ELF1: variants seen among roughly 807,000 people sequenced by gnomAD.
The protein encoded by ELF1 is ETS-related transcription factor Elf-1.
Under a neutral mutation model 59.9 loss-of-function variants are expected in ELF1, and 24 were observed. The ratio of observed to expected loss-of-function variants is 0.40; its 90% confidence interval spans 0.29 to 0.56. ELF1 has a LOEUF of 0.56. Among genes scored for constraint, ELF1 ranks in the 20% least tolerant of loss-of-function variants. The pLI is 0.44. For missense variants in ELF1, 627 were observed against 742.2 expected, an observed-to-expected ratio of 0.84 and a Z score of 1.80; for synonymous variants, 248 against 266.2, an observed-to-expected ratio of 0.93 and a Z score of 0.67.
intron 1 of ELF1, among the ~76,000 whole-genome samples, chr13:41,010,464 C>G (rs1275041261): frequency 7.0e-6 from 1 of 143,876 alleles, no homozygotes; most frequent in African/African-American, 2.6e-5. Flanking sequence ...CCCCACCCCC[C>G]CAAAAAAATA....
chr13:40,981,874 T>A, intron 2 of ELF1, 109 bp downstream of exon 2: 1 of 1,237,588 alleles, frequency 8.1e-7, no homozygotes, highest in Non-Finnish European at 1.1e-6. Context: ...TATAAATTTT[T>A]ACTTTCAATA....
rs773490492 is a variant in ELF1, at chr13:40,981,933, G to T, written c.72+50C>A. ...AGGAAATAATTTTCTGATATGAATA[G>T]AAAAATCATAATAAAGTCATTAAAA... On this transcript the variant is annotated intron_variant, in intron 2 of 8. Transcript: ENST00000239882. The T allele has an allele frequency of 5.1e-6, 8 of 1,573,146 alleles. No individual in the cohort carries two copies. The African/African-American group carries it at 9.6e-5, about 19-fold the overall frequency.
At chr13:41,023,359 A>G (rs1875761369), upstream of ELF1, among the ~76,000 whole-genome samples, 1 of 152,344 alleles carries the variant, frequency 6.6e-6, no homozygotes, top group East Asian at 1.9e-4. Context: ...AATCCGCCCC[A>G]TAGGTCGGGA....
intron 1 of ELF1, among the ~76,000 whole-genome samples, chr13:41,006,856 T>C (rs1192057634): frequency 6.6e-6 from 1 of 152,216 alleles, no homozygotes; most frequent in African/African-American, 2.4e-5. Flanking sequence ...TTCCTTATAA[T>C]TTAGTACATA....
intron 2 of ELF1, among the ~76,000 whole-genome samples, chr13:40,972,171 A>C (rs1872585035): frequency 6.6e-6 from 1 of 152,228 alleles, no homozygotes; most frequent in Admixed American, 6.5e-5. Flanking sequence ...ACAGCAAAGA[A>C]TAAAATGAGG....
rs147752640 is a variant in ELF1, at chr13:40,961,017, A to G, written c.73-2001T>C. Among the ~76,000 whole-genome samples, 31 of 152,336 alleles carry G rather than the reference A, an allele frequency of 2.0e-4. 1 individual carries two copies. Among genetic ancestry groups the G allele is most frequent in the South Asian group, 1.2e-3 (6 of 4,828 alleles). ...AAAAAGTTCCTGCTCATAGATAATAATGCCAGGCACCTTGCTATTTTCCTT... is the reference window on the plus strand; with the variant it reads ...AAAAAGTTCCTGCTCATAGATAATAGTGCCAGGCACCTTGCTATTTTCCTT... On this transcript the variant is annotated intron_variant, in intron 2 of 8. Transcript: ENST00000239882.
intron 1 of ELF1, among the ~76,000 whole-genome samples, chr13:40,991,886 T>C (rs1420012653): frequency 6.6e-6 from 1 of 152,186 alleles, no homozygotes; most frequent in Non-Finnish European, 1.5e-5. Flanking sequence ...GAGGTGATGG[T>C]GAACTGCAAG....
intron 1 of ELF1, among the ~76,000 whole-genome samples, chr13:41,013,308 G>A (rs746710417): frequency 1.1e-4 from 16 of 152,164 alleles, no homozygotes; most frequent in Middle Eastern, 3.4e-3. Flanking sequence ...TTTATGTCCC[G>A]GGGAACCATG....
At chr13:41,048,214 CT>C (rs1471931085) in intron 1 of ELF1, among the ~76,000 whole-genome samples, 2 of 152,230 alleles carry the variant, frequency 1.3e-5, no homozygotes. Context: ...TCCCTGACCC[CT>C]TGCGCTTCCA....
intron 1 of ELF1, among the ~76,000 whole-genome samples, chr13:40,999,906 C>G (rs1216841353): frequency 6.6e-6 from 1 of 152,176 alleles, no homozygotes; most frequent in East Asian, 1.9e-4. Context: ...AAACGTATGA[C>G]TAATTACCAC....
At chr13:40,969,002 G>A (rs529964140) in intron 2 of ELF1, among the ~76,000 whole-genome samples, 88 of 152,272 alleles carry the variant, frequency 5.8e-4, no homozygotes, top group Middle Eastern at 3.4e-3. Context: ...TTACAGACAT[G>A]AGCCATTGCG....
intron 1 of ELF1, among the ~76,000 whole-genome samples, chr13:41,009,092 C>T (rs1024795019): frequency 2.0e-5 from 3 of 151,738 alleles, no homozygotes; most frequent in African/African-American, 7.3e-5. Context: ...CTGGCTCAAA[C>T]TTGTCCTTTA....
At chr13:41,050,831 G>C (rs1433202238) in intron 1 of ELF1, among the ~76,000 whole-genome samples, 1 of 152,172 alleles carries the variant, frequency 6.6e-6, no homozygotes, top group African/African-American at 2.4e-5. Flanking sequence ...CTACAGGCAT[G>C]AGCCACCACA....
intron 1 of ELF1, among the ~76,000 whole-genome samples, chr13:41,039,208 T>A (rs982706735): frequency 2.0e-5 from 3 of 151,772 alleles, no homozygotes; most frequent in South Asian, 2.1e-4. Context: ...GAGACCAGCC[T>A]GGGTAACACG....
At position 41,011,488 on chromosome 13, in the gene ELF1, G is replaced by A. The variant is rs79858693; in HGVS notation, c.-229+7740C>T. ...AGACAAGGTCTTACTTTGTTGCCCA[G>A]GTTGGAGTATAGTGGCACGAACATG... is the stretch of plus-strand genomic sequence containing the variant. On this transcript the variant is annotated intron_variant, in intron 1 of 8. Transcript: ENST00000239882. Among the ~76,000 whole-genome samples, 483 of 152,206 alleles carry A rather than the reference G, an allele frequency of 3.2e-3. 4 individuals are homozygous for A. Among genetic ancestry groups the A allele is most frequent in the African/African-American group, 0.011 (466 of 41,512 alleles).
At chr13:41,045,421 G>A (rs1049774014) in intron 1 of ELF1, among the ~76,000 whole-genome samples, 6 of 152,092 alleles carry the variant, frequency 3.9e-5, no homozygotes, top group African/African-American at 9.7e-5. Context: ...TCTCTTGTGG[G>A]CATTTAGTAC....
intron 3 of ELF1, among the ~76,000 whole-genome samples, chr13:40,955,003 G>A (rs1465392879): frequency 6.7e-6 from 1 of 149,692 alleles, no homozygotes; most frequent in African/African-American, 2.5e-5. Context: ...AGGAAGTGAG[G>A]AGCGTCTCTG....
At chr13:40,994,580 T>C (rs1030506140) in intron 1 of ELF1, among the ~76,000 whole-genome samples, 32 of 152,104 alleles carry the variant, frequency 2.1e-4, no homozygotes, top group African/African-American at 6.8e-4. Context: ...GAGGTGGAAA[T>C]TGCAGTAAGC....
At chr13:41,025,520 T>C (rs1875858581) in intron 1 of ELF1, among the ~76,000 whole-genome samples, 2 of 152,230 alleles carry the variant, frequency 1.3e-5, no homozygotes, top group South Asian at 4.1e-4. Flanking sequence ...GTCTTCACTG[T>C]AGGACAGCTT....
Sources: gnomAD v4.1 joint callset for allele counts (sites outside exome capture counted in the v4.1 genomes callset) on GRCh38, gnomAD v4.1.1 for gene constraint, MANE v1.5 for transcripts, NCBI Gene and HGNC (gene_info 2026-07-23, HGNC 2026-07-21) for gene names.